MCPH1: variants seen among roughly 807,000 people sequenced by gnomAD.
MCPH1 encodes the protein microcephalin.
A neutral mutation model predicts 84.5 loss-of-function variants in MCPH1; 104 were observed. The ratio of observed to expected loss-of-function variants is 1.23; its 90% CI spans 1.05 to 1.45. MCPH1 has a LOEUF of 1.45. Among genes scored for constraint, MCPH1 ranks in the 40% most tolerant of loss-of-function variants. The pLI is 0.00. For synonymous variants in MCPH1, 514 were observed against 366.8 expected (o/e 1.40, Z -4.58); for missense variants, 1,498 against 1,005.7 (o/e 1.49, Z -6.62).
At chr8:6,517,890 A>C (rs1035628925) in intron 12 of MCPH1, among the ~76,000 whole-genome samples, 1 of 152,214 alleles carries the variant, frequency 6.6e-6, no homozygotes, top group Non-Finnish European at 1.5e-5. Flanking sequence ...AATTGACACC[A>C]CTTATTTTTC....
chr8:6,513,910 A>G (rs1815706631), intron 12 of MCPH1: 1 of 1,424,228 alleles, frequency 7.0e-7, no homozygotes, highest in African/African-American at 1.4e-5. Flanking sequence ...TGAAGTGGAT[A>G]GTCCGTCAAC....
At position 6,445,546 on chromosome 8, in the gene MCPH1, A is replaced by G. The variant is rs1804220801; in HGVS notation, c.1824A>G (p.Gly608=). The change falls in exon 8 of 14, where the codon GGA becomes GGG. Residue 608 remains glycine, a splice_region_variant and synonymous_variant. Coordinates refer to ENST00000344683, the MANE Select transcript of MCPH1 (RefSeq NM_024596.5). ...EKENLPGGYS[G]SVKNRPTRHD... The stretch of plus-strand genomic sequence containing the variant: ...AAAACTTACCCGGAGGATACAGTGG[A>G]AGTATGTGAATCTCCTTTTCCAAGT... The G allele has an allele frequency of 1.9e-6, 3 of 1,582,718 alleles. No homozygotes were observed. The highest frequency in any genetic ancestry group is 2.6e-6 in the Non-Finnish European group (3 of 1,167,016).
At chr8:6,603,791 T>C (rs901159747) in intron 12 of MCPH1, among the ~76,000 whole-genome samples, 4 of 152,218 alleles carry the variant, frequency 2.6e-5, no homozygotes, top group Non-Finnish European at 4.4e-5. Context: ...TTGCATTCTC[T>C]GAACTTCACA....
intron 13 of MCPH1, among the ~76,000 whole-genome samples, chr8:6,632,634 C>G (rs1483710339): frequency 1.3e-5 from 2 of 151,970 alleles, no homozygotes; most frequent in Non-Finnish European, 2.9e-5. Flanking sequence ...ACAGTGAAAC[C>G]CCATCTCTAC....
At chr8:6,547,332 G>T (rs1418789640) in intron 12 of MCPH1, among the ~76,000 whole-genome samples, 1 of 152,000 alleles carries the variant, frequency 6.6e-6, no homozygotes, top group Non-Finnish European at 1.5e-5. Flanking sequence ...ATTAGTTTCA[G>T]TTCTGGAGGT....
intron 5 of MCPH1, among the ~76,000 whole-genome samples, chr8:6,437,229 A>G (rs1802783321): frequency 6.6e-6 from 1 of 151,562 alleles, no homozygotes; most frequent in South Asian, 2.1e-4. Context: ...AATTGTCGAG[A>G]TTTATTTTAT....
intron 13 of MCPH1, chr8:6,625,928 T>G (rs1212248715): frequency 1.0e-6 from 1 of 984,848 alleles, no homozygotes. Flanking sequence ...GAGAAGTTTC[T>G]TTTCTTTTCC....
intron 11 of MCPH1, among the ~76,000 whole-genome samples, chr8:6,487,814 A>C (rs1563276254): frequency 6.6e-6 from 1 of 152,158 alleles, no homozygotes; most frequent in Non-Finnish European, 1.5e-5. Context: ...GAGTGTTTTC[A>C]CATGCACTGT....
intron 9 of MCPH1, among the ~76,000 whole-genome samples, chr8:6,467,939 C>T (rs1295880929): frequency 1.3e-5 from 2 of 152,076 alleles, no homozygotes; most frequent in Admixed American, 6.6e-5. Context: ...GAGGTGTGTA[C>T]GTGTCTGTTT....
intron 10 of MCPH1, among the ~76,000 whole-genome samples, chr8:6,480,113 C>CTTTTTTCT (rs1391035989): frequency 2.0e-5 from 3 of 149,746 alleles, no homozygotes. Flanking sequence ...TCCTTTTTTT[C>CTTTTTTCT]TTTTTTCTTT....
At chr8:6,602,780 C>T (rs1297539719) in intron 12 of MCPH1, among the ~76,000 whole-genome samples, 1 of 151,984 alleles carries the variant, frequency 6.6e-6, no homozygotes, top group Admixed American at 6.6e-5. Flanking sequence ...TAACTCTGCT[C>T]CTGTTCTGAC....
At chr8:6,634,181 C>G (rs1797369659) in intron 13 of MCPH1, among the ~76,000 whole-genome samples, 1 of 152,154 alleles carries the variant, frequency 6.6e-6, no homozygotes, top group Non-Finnish European at 1.5e-5. Flanking sequence ...CAGTGGTAGG[C>G]TGATCATGAA....
At chr8:6,419,814 A>C (rs1233757255) in intron 3 of MCPH1, among the ~76,000 whole-genome samples, 1 of 152,036 alleles carries the variant, frequency 6.6e-6, no homozygotes, top group East Asian at 1.9e-4. Flanking sequence ...TATTTGATTC[A>C]AGTTCAAGGG....
chr8:6,562,634 AT>A (rs748140296), intron 12 of MCPH1: 1 of 1,496,108 alleles, frequency 6.7e-7, no homozygotes, highest in East Asian at 2.5e-5. Context: ...AGACAGATGG[AT>A]TTTTTTCCTA....
intron 9 of MCPH1, among the ~76,000 whole-genome samples, chr8:6,458,697 T>G (rs1411131089): frequency 1.3e-5 from 2 of 152,042 alleles, no homozygotes; most frequent in East Asian, 3.9e-4. Context: ...CAGGCTAGAG[T>G]GTACTGGTGT....
chr8:6,627,156 A>T (rs1316519819), intron 13 of MCPH1: 6 of 983,124 alleles, frequency 6.1e-6, no homozygotes, highest in Non-Finnish European at 7.2e-6. Flanking sequence ...CTGACCAGAA[A>T]AATGCACGAC....
chr8:6,597,788 A>G (rs1248029600), intron 12 of MCPH1, among the ~76,000 whole-genome samples: 2 of 152,104 alleles, frequency 1.3e-5, no homozygotes, highest in Non-Finnish European at 2.9e-5. Context: ...CTTTCTGAAT[A>G]TGGTCTACTG....
chr8:6,430,033 G>C (rs141451892), intron 3 of MCPH1, among the ~76,000 whole-genome samples: 2 of 152,188 alleles, frequency 1.3e-5, no homozygotes, highest in Non-Finnish European at 2.9e-5. Flanking sequence ...CACCCTGTTT[G>C]CTGCACTGTG....
chr8:6,436,102 A>C lies in MCPH1; in HGVS notation c.376A>C (p.Arg126=). 1.2e-6 allele frequency: 2 copies of C among 1,613,830 alleles called. No individual in the cohort carries two copies. The highest frequency in any genetic ancestry group is 1.3e-5 in the African/African-American group (1 of 75,058). Residue 126 remains arginine, a synonymous_variant, in exon 5 of 14, where the codon AGA becomes CGA. Transcript: ENST00000344683. ...TTTTAAAACACCAGAAAATGATAAG[A>C]GATTTCAGAAGAAATTTGAGAAAAT... The part of the protein sequence containing the change: ...FNFKTPENDK[R]FQKKFEKMAK...
Sources: allele counts gnomAD v4.1 joint callset (sites outside exome capture counted in the v4.1 genomes callset), GRCh38; gene constraint gnomAD v4.1.1; transcripts MANE v1.5; gene names NCBI Gene and HGNC (gene_info 2026-07-23, HGNC 2026-07-21).